Variants in PTPRN2 observed in about 807,000 individuals in gnomAD.
PTPRN2 encodes the protein receptor-type tyrosine-protein phosphatase N2.
A neutral mutation model predicts 118.8 loss-of-function variants in PTPRN2; 74 were observed. The observed-to-expected ratio is 0.62, with a 90% CI of 0.52 to 0.76. The LOEUF is 0.76. Ranked by LOEUF, PTPRN2 falls within the 30% of genes least tolerant of loss-of-function variation. PTPRN2 has a pLI of 0.00. For synonymous variants in PTPRN2, 641 were observed against 608.0 expected, an observed-to-expected ratio of 1.05 and a Z score of -0.80; for missense variants, 1,481 against 1,394.4, an observed-to-expected ratio of 1.06 and a Z score of -0.99.
intron 12 of PTPRN2, among the ~76,000 whole-genome samples, chr7:157,851,602 C>T (rs1458958612): frequency 1.3e-5 from 2 of 151,608 alleles, no homozygotes; most frequent in Non-Finnish European, 2.9e-5. Flanking sequence ...CTGGCCAGGG[C>T]ACACCCGCCA....
intron 11 of PTPRN2, among the ~76,000 whole-genome samples, chr7:157,975,414 C>T (rs1239207493): frequency 6.6e-6 from 1 of 152,202 alleles, no homozygotes; most frequent in East Asian, 1.9e-4. Flanking sequence ...CCTGTGATGT[C>T]GGCTCAGGTC....
intron 14 of PTPRN2, among the ~76,000 whole-genome samples, chr7:157,641,249 G>A (rs1027282235): frequency 1.3e-5 from 2 of 152,192 alleles, no homozygotes; most frequent in Non-Finnish European, 1.5e-5. Context: ...CCAAGGGGGA[G>A]AGAGGGAATA....
intron 12 of PTPRN2, among the ~76,000 whole-genome samples, chr7:157,843,531 C>T (rs902376466): frequency 2.6e-5 from 4 of 152,310 alleles, no homozygotes; most frequent in South Asian, 2.1e-4. Flanking sequence ...GTCAAGAGGT[C>T]CCCTCCTTCC....
chr7:157,982,712 T>C (rs1238325672), intron 11 of PTPRN2, among the ~76,000 whole-genome samples: 4 of 80,494 alleles, frequency 5.0e-5, no homozygotes, highest in Non-Finnish European at 6.9e-5. Context: ...GAGTACCGGG[T>C]TCCCCCCTAA....
At chr7:157,612,697 G>A (rs972562439) in intron 15 of PTPRN2, among the ~76,000 whole-genome samples, 23 of 152,236 alleles carry the variant, frequency 1.5e-4, no homozygotes, top group African/African-American at 5.5e-4. Flanking sequence ...GGAAAAGTAA[G>A]GGAGGAAATT....
At chr7:158,064,816 G>A (rs537762892) in intron 11 of PTPRN2, among the ~76,000 whole-genome samples, 10 of 152,272 alleles carry the variant, frequency 6.6e-5, no homozygotes, top group African/African-American at 1.4e-4. Flanking sequence ...AAGTCACAGC[G>A]TGGCTCTGTG....
At chr7:157,639,042 TC>T (rs1804509973) in intron 14 of PTPRN2, among the ~76,000 whole-genome samples, 1 of 151,706 alleles carries the variant, frequency 6.6e-6, no homozygotes, top group South Asian at 2.1e-4. Context: ...CTTCTTTCTT[TC>T]TTTTTTTTTT....
rs538689814 is a variant in PTPRN2 at position 157,813,633 on chromosome 7, G to A, written c.1788+85040C>T. 1.2e-3 allele frequency among the ~76,000 whole-genome samples: 180 copies of A among 152,026 alleles called. No homozygotes were observed. The highest frequency in any genetic ancestry group is 1.2e-3 in the Non-Finnish European group (85 of 68,024). On this transcript the variant is annotated intron_variant, in intron 12 of 22. Transcript: ENST00000389418. The surrounding 1 kb of genome is among the most constrained non-coding windows in gnomAD (Gnocchi z 4.7). ...GCCTTTGCTGCCTCTGGGCGGGTCCGGGGGAGTCGCATTTCTTCCTCACTG... is the reference window on the plus strand; with the variant it reads ...GCCTTTGCTGCCTCTGGGCGGGTCCAGGGGAGTCGCATTTCTTCCTCACTG...
intron 14 of PTPRN2, among the ~76,000 whole-genome samples, chr7:157,633,748 G>A (rs1255287391): frequency 2.0e-5 from 3 of 152,224 alleles, no homozygotes; most frequent in Non-Finnish European, 4.4e-5. Flanking sequence ...CACTCCGGGA[G>A]GAGGGAAGGT....
chr7:157,840,174 TGTGTGACC>T, intron 12 of PTPRN2, among the ~76,000 whole-genome samples: 1 of 149,798 alleles, frequency 6.7e-6, no homozygotes, highest in East Asian at 2.0e-4. Context: ...CCTGTGTGAC[TGTGTGACC>T]GTGTGTGACT....
rs755632139 is a variant in PTPRN2 at position 158,564,981 on chromosome 7, C to T, written c.112+22577G>A. Among the ~76,000 whole-genome samples the T allele has an allele frequency of 4.1e-4, 63 of 152,330 alleles. No homozygotes were observed. The Middle Eastern group carries it at 0.01, about 25-fold the overall frequency. On this transcript the variant is annotated intron_variant, in intron 1 of 22. Transcript: ENST00000389418. ...GAGTTGCATTCTCCTGAGGGAGACC[C>T]TGCGCAGGCCCTGCCCCACGTAACG...
At chr7:158,327,712 G>T (rs1285381886) in intron 2 of PTPRN2, among the ~76,000 whole-genome samples, 3 of 152,198 alleles carry the variant, frequency 2.0e-5, no homozygotes, top group African/African-American at 4.8e-5. Context: ...CCCTGCTGGG[G>T]TCCCTCAGGA....
intron 2 of PTPRN2, among the ~76,000 whole-genome samples, chr7:158,443,880 AG>A (rs1817549033): frequency 6.6e-6 from 1 of 152,194 alleles, no homozygotes; most frequent in South Asian, 2.1e-4. Context: ...TGGGACGGCC[AG>A]GGGCAGAGCT....
intron 9 of PTPRN2, among the ~76,000 whole-genome samples, chr7:158,132,510 CACA>C (rs1818434043): frequency 6.6e-6 from 1 of 151,350 alleles, no homozygotes; most frequent in African/African-American, 2.4e-5. Context: ...TACAGATGCA[CACA>C]CATTTACCCA....
chr7:157,557,079 C>G (rs750303582), intron 21 of PTPRN2, among the ~76,000 whole-genome samples: 1 of 151,830 alleles, frequency 6.6e-6, no homozygotes, highest in African/African-American at 2.4e-5. Context: ...CATACATACA[C>G]ACACACACAC....
chr7:158,074,911 G>T (rs762617058), intron 11 of PTPRN2, among the ~76,000 whole-genome samples: 18 of 152,226 alleles, frequency 1.2e-4, no homozygotes, highest in East Asian at 1.9e-4. Context: ...AAAAGTGGCT[G>T]CTGAGCAACG....
rs1219175585 is a variant in PTPRN2, at chr7:158,570,804, C to A, written c.112+16754G>T. Reference sequence around the variant, plus strand: ...CAAGGAGAACCGCCTCCTCAGGAACCCTGTGGAGCTCATGGCTTTTGTGAC... The same window carrying A: ...CAAGGAGAACCGCCTCCTCAGGAACACTGTGGAGCTCATGGCTTTTGTGAC... On this transcript the variant is annotated intron_variant, in intron 1 of 22. Transcript: ENST00000389418. The surrounding 1 kb of genome is among the most constrained non-coding windows in gnomAD (Gnocchi z 4.5). Among the ~76,000 whole-genome samples the A allele has an allele frequency of 6.6e-6, 1 of 152,218 alleles. No individual in the cohort carries two copies. The highest frequency in any genetic ancestry group is 6.5e-5 in the Admixed American group (1 of 15,290).
intron 1 of PTPRN2, among the ~76,000 whole-genome samples, chr7:158,503,247 C>T (rs1398168075): frequency 6.6e-6 from 1 of 152,270 alleles, no homozygotes; most frequent in Admixed American, 6.5e-5. Context: ...CAGGATGGGA[C>T]TCTCTTCTCA....
chr7:158,433,269 T>G (rs1046831673), intron 2 of PTPRN2, among the ~76,000 whole-genome samples: 2 of 152,236 alleles, frequency 1.3e-5, no homozygotes, highest in Non-Finnish European at 2.9e-5. Flanking sequence ...TAGGCCTTTT[T>G]GTATATTTAA....
Sources: allele counts gnomAD v4.1 joint callset (sites outside exome capture counted in the v4.1 genomes callset), GRCh38; gene constraint gnomAD v4.1.1; non-coding constraint Gnocchi (gnomAD v3.1); transcripts MANE v1.5; gene names NCBI Gene and HGNC (gene_info 2026-07-23, HGNC 2026-07-21).